The following HDAC9 variants were observed in gnomAD, a reference collection of about 807,000 sequenced individuals.
The protein encoded by HDAC9 is histone deacetylase 9, also known as MEF-2 interacting transcription repressor (MITR) protein.
A neutral mutation model predicts 139.4 loss-of-function variants in HDAC9; 41 were observed. The ratio of observed to expected loss-of-function variants is 0.29; its 90% CI spans 0.23 to 0.38. The LOEUF is 0.38. Among genes scored for constraint, HDAC9 ranks in the 10% least tolerant of loss-of-function variants. The pLI is 1.00. For missense variants in HDAC9, 1,147 were observed against 1,297.0 expected (o/e 0.88, Z 1.78); for synonymous variants, 517 against 476.2 (o/e 1.09, Z -1.12).
intron 22 of HDAC9, among the ~76,000 whole-genome samples, chr7:18,913,496 C>G (rs1411930535): frequency 6.6e-6 from 1 of 152,028 alleles, no homozygotes; most frequent in Non-Finnish European, 1.5e-5. Context: ...ACAATTTGTT[C>G]CACCCACCTT....
At chr7:18,699,480 A>C (rs1189184771) in intron 12 of HDAC9, among the ~76,000 whole-genome samples, 1 of 152,200 alleles carries the variant, frequency 6.6e-6, no homozygotes, top group Non-Finnish European at 1.5e-5. Context: ...AGAATTCCTT[A>C]GTGCAAATAA....
At chr7:18,448,660 A>G (rs182469926) in intron 1 of HDAC9, among the ~76,000 whole-genome samples, 31 of 152,260 alleles carry the variant, frequency 2.0e-4, no homozygotes, top group African/African-American at 3.6e-4. Context: ...TCAATTTCCT[A>G]TTCATTTCTG....
intron 1 of HDAC9, among the ~76,000 whole-genome samples, chr7:18,328,701 G>A (rs1025792215): frequency 6.6e-6 from 1 of 151,850 alleles, no homozygotes; most frequent in African/African-American, 2.4e-5. Flanking sequence ...CAGTTTGCTA[G>A]TATTTTGTTG....
chr7:18,851,161 G>C (rs1223136888), intron 21 of HDAC9, among the ~76,000 whole-genome samples: 12 of 152,202 alleles, frequency 7.9e-5, no homozygotes, highest in Admixed American at 2.0e-4. Flanking sequence ...TCCATGAGGA[G>C]CAGCTGAGCT....
At position 18,727,550 on chromosome 7, in the gene HDAC9, C is replaced by A. The variant is rs779731308; in HGVS notation, c.1732-30C>A. 3.2e-6 allele frequency: 5 copies of A among 1,556,510 alleles called. No individual in the cohort carries two copies. The African/African-American group carries it at 6.8e-5, about 21-fold the overall frequency. ...CTCCCTCAATCCTTGTCTCACATTT[C>A]TTTCTACTGTGCTCTTTTCTTGGCA... On this transcript the variant is annotated intron_variant, in intron 12 of 25. Transcript: ENST00000686413.
At chr7:18,634,804 A>C (rs1475443747) in intron 8 of HDAC9, 62 bp downstream of exon 8, 5 of 1,019,014 alleles carry the variant, frequency 4.9e-6, no homozygotes, top group African/African-American at 1.6e-5. Flanking sequence ...ACCTAATACA[A>C]AGTGATATTT....
chr7:18,351,236 T>A (rs1256617066), intron 1 of HDAC9, among the ~76,000 whole-genome samples: 1 of 152,166 alleles, frequency 6.6e-6, no homozygotes, highest in Non-Finnish European at 1.5e-5. Context: ...CTGATTTACT[T>A]ATATAATTTT....
At chr7:18,486,106 G>A (rs1172078423) in intron 1 of HDAC9, among the ~76,000 whole-genome samples, 1 of 152,110 alleles carries the variant, frequency 6.6e-6, no homozygotes, top group Admixed American at 6.6e-5. Flanking sequence ...GAGATGGCTA[G>A]ATTTGCTTTT....
intron 1 of HDAC9, among the ~76,000 whole-genome samples, chr7:18,301,112 G>C (rs964473260): frequency 2.0e-5 from 3 of 151,970 alleles, no homozygotes; most frequent in African/African-American, 7.2e-5. Context: ...TAAATAAAAG[G>C]TTTATTGCAA....
chr7:18,279,691 C>T (rs886312449), intron 2 of HDAC9, among the ~76,000 whole-genome samples: 1 of 151,948 alleles, frequency 6.6e-6, no homozygotes, highest in Non-Finnish European at 1.5e-5. Flanking sequence ...GTCTTAAACT[C>T]CTGACCTCGT....
At chr7:18,266,241 C>T (rs2128210072) in intron 2 of HDAC9, among the ~76,000 whole-genome samples, 1 of 152,192 alleles carries the variant, frequency 6.6e-6, no homozygotes, top group South Asian at 2.1e-4. Flanking sequence ...TCATGGTGGC[C>T]AACGCACAAT....
At chr7:18,248,079 T>C (rs1794674143) in intron 2 of HDAC9, among the ~76,000 whole-genome samples, 1 of 152,188 alleles carries the variant, frequency 6.6e-6, no homozygotes, top group African/African-American at 2.4e-5. Flanking sequence ...TTACAGTGTT[T>C]AATTTACTTA....
chr7:18,937,336 C>G (rs1427175774), intron 23 of HDAC9, among the ~76,000 whole-genome samples: 1 of 152,108 alleles, frequency 6.6e-6, no homozygotes, highest in Non-Finnish European at 1.5e-5. Context: ...CCGTGCCTGG[C>G]TGTCTTGTTA....
In HDAC9 at chr7:18,951,272, T is replaced by G. The variant is rs185207032; in HGVS notation, c.2938-2874T>G. 6.9e-3 allele frequency among the ~76,000 whole-genome samples: 1,052 copies of G among 152,086 alleles called. 3 individuals carry two copies. The highest frequency in any genetic ancestry group is 9.8e-3 in the Non-Finnish European group (665 of 67,926). ...TGGTATATGCAACTTAACAAACATC[T>G]GAATCATGCCAATACATTATCACAA... On this transcript the variant is annotated intron_variant, in intron 23 of 25. Coordinates refer to ENST00000686413, the MANE Select transcript of HDAC9 (RefSeq NM_178425.4).
intron 25 of HDAC9, among the ~76,000 whole-genome samples, chr7:18,991,922 T>C (rs146342535): frequency 6.6e-6 from 1 of 152,376 alleles, no homozygotes; most frequent in African/African-American, 2.4e-5. Context: ...TTCATTGCTA[T>C]GTTCCTAGTG....
chr7:18,481,016 C>G (rs1486825868), intron 1 of HDAC9, among the ~76,000 whole-genome samples: 1 of 152,186 alleles, frequency 6.6e-6, no homozygotes, highest in East Asian at 1.9e-4. Flanking sequence ...TGCAGCAGAG[C>G]TCCAGTTCTC....
At chr7:18,924,670 T>G (rs1804055297) in intron 22 of HDAC9, among the ~76,000 whole-genome samples, 1 of 152,162 alleles carries the variant, frequency 6.6e-6, no homozygotes, top group South Asian at 2.1e-4. Flanking sequence ...ACTTTAAAGA[T>G]GAATGATCAT....
intron 2 of HDAC9, among the ~76,000 whole-genome samples, chr7:18,246,278 T>A (rs1794519196): frequency 6.6e-6 from 1 of 150,758 alleles, no homozygotes; most frequent in South Asian, 2.1e-4. Context: ...AAAGTGGAAT[T>A]TAGGGCAAGA....
intron 8 of HDAC9, among the ~76,000 whole-genome samples, chr7:18,639,834 G>A (rs1056656531): frequency 3.3e-5 from 5 of 151,970 alleles, no homozygotes; most frequent in African/African-American, 4.8e-5. Context: ...ACCTGATAGA[G>A]CTGGGCAGAG....
Sources: allele counts gnomAD v4.1 joint callset (sites outside exome capture counted in the v4.1 genomes callset), GRCh38; gene constraint gnomAD v4.1.1; transcripts MANE v1.5; gene names NCBI Gene and HGNC (gene_info 2026-07-23, HGNC 2026-07-21).